PCDH15: variants seen among roughly 807,000 people sequenced by gnomAD.
PCDH15 encodes the protein protocadherin-15.
PCDH15 carries 129 observed loss-of-function variants against 178.5 expected under a neutral mutation model. The ratio of observed to expected loss-of-function variants is 0.72; its 90% CI spans 0.63 to 0.84. The LOEUF (loss-of-function observed/expected upper bound fraction) is 0.84, where lower values mean the gene tolerates loss of function less well. Among genes scored for constraint, PCDH15 ranks in the 40% least tolerant of loss-of-function variants. The pLI, the probability that PCDH15 is intolerant of heterozygous loss-of-function variation, is 0.00. For missense variants in PCDH15, 2,230 were observed against 2,099.9 expected, an observed-to-expected ratio of 1.06 and a Z score of -1.21; for synonymous variants, 800 against 732.0, an observed-to-expected ratio of 1.09 and a Z score of -1.50.
At chr10:55,128,628 C>A (rs774904073) in intron 2 of PCDH15, among the ~76,000 whole-genome samples, 20 of 152,026 alleles carry the variant, frequency 1.3e-4, no homozygotes, top group Non-Finnish European at 2.2e-4. Context: ...GGCAAATCTC[C>A]TGACTGTCAT....
intron 2 of PCDH15, among the ~76,000 whole-genome samples, chr10:54,642,970 T>A (rs1354232286): frequency 6.6e-6 from 1 of 152,230 alleles, no homozygotes. Flanking sequence ...TGTCCCAGGC[T>A]GGAGTGCAAT....
At chr10:54,807,370 G>A (rs1803133299) in intron 3 of PCDH15, among the ~76,000 whole-genome samples, 1 of 151,988 alleles carries the variant, frequency 6.6e-6, no homozygotes, top group Non-Finnish European at 1.5e-5. Context: ...ATTTGGAACT[G>A]GAATAGTTGT....
chr10:54,036,581 GA>G (rs372567913), intron 18 of PCDH15, among the ~76,000 whole-genome samples: 5 of 146,264 alleles, frequency 3.4e-5, no homozygotes, highest in South Asian at 4.3e-4. Flanking sequence ...TACTGCTCAG[GA>G]AAAAAAAAAG....
chr10:54,189,396 T>C, intron 11 of PCDH15: 2 of 1,514,396 alleles, frequency 1.3e-6, no homozygotes, highest in Non-Finnish European at 8.9e-7. Flanking sequence ...TATACGCAAA[T>C]TAAACATGAA....
chr10:54,196,806 C>G (rs953731015), intron 10 of PCDH15, among the ~76,000 whole-genome samples: 1 of 152,122 alleles, frequency 6.6e-6, no homozygotes, highest in Non-Finnish European at 1.5e-5. Context: ...TAGAGGGCTC[C>G]TTTTCCCCGC....
intron 2 of PCDH15, among the ~76,000 whole-genome samples, chr10:54,551,907 C>T (rs2133196360): frequency 6.6e-6 from 1 of 152,060 alleles, no homozygotes; most frequent in East Asian, 1.9e-4. Flanking sequence ...TATTTATAAA[C>T]ACATATTACA....
At chr10:54,640,162 G>A (rs527245435) in intron 2 of PCDH15, among the ~76,000 whole-genome samples, 1 of 152,078 alleles carries the variant, frequency 6.6e-6, no homozygotes, top group Non-Finnish European at 1.5e-5. Context: ...TATAGTTAAT[G>A]TTGCTTCCAT....
intron 2 of PCDH15, among the ~76,000 whole-genome samples, chr10:55,463,888 AGGG>A (rs1839736050): frequency 2.5e-5 from 1 of 40,094 alleles, no homozygotes; most frequent in African/African-American, 9.8e-5. Context: ...AGAGAAAGAG[AGGG>A]AGAGAGAGAG....
At chr10:54,192,383 G>A (rs1419643813) in intron 11 of PCDH15, among the ~76,000 whole-genome samples, 1 of 152,016 alleles carries the variant, frequency 6.6e-6, no homozygotes, top group Non-Finnish European at 1.5e-5. Context: ...AGACCAATAG[G>A]GTGGTGGTTA....
intron 17 of PCDH15, 120 bp downstream of exon 17, chr10:54,079,211 G>A (rs2094395664): frequency 3.1e-6 from 3 of 976,488 alleles, no homozygotes; most frequent in African/African-American, 3.2e-5. Flanking sequence ...AACACTTCTA[G>A]TAATTATAAG....
intron 2 of PCDH15, among the ~76,000 whole-genome samples, chr10:55,109,960 A>C (rs1354180470): frequency 6.6e-6 from 1 of 151,716 alleles, no homozygotes; most frequent in Non-Finnish European, 1.5e-5. Context: ...AGAGATAAAC[A>C]GTATAAACAT....
At chr10:54,593,947 G>A (rs1316256680) in intron 2 of PCDH15, among the ~76,000 whole-genome samples, 2 of 151,764 alleles carry the variant, frequency 1.3e-5, no homozygotes, top group Non-Finnish European at 2.9e-5. Context: ...GAAGACGGGT[G>A]TACCCCTAGT....
At chr10:54,415,303 A>G (rs560856963) in intron 3 of PCDH15, among the ~76,000 whole-genome samples, 2 of 152,164 alleles carry the variant, frequency 1.3e-5, no homozygotes, top group African/African-American at 4.8e-5. Context: ...TAGTATTACT[A>G]TGAAACAAAA....
chr10:55,003,420 C>A (rs1326456410), intron 2 of PCDH15, among the ~76,000 whole-genome samples: 1 of 150,004 alleles, frequency 6.7e-6, no homozygotes, highest in East Asian at 2.0e-4. Context: ...TAATGGAGGA[C>A]AGAAATAATA....
chr10:55,304,796 A>G (rs1843376656), intron 1 of PCDH15, among the ~76,000 whole-genome samples: 1 of 152,304 alleles, frequency 6.6e-6, no homozygotes, highest in South Asian at 2.1e-4. Context: ...TCTACAGGCC[A>G]GAGTACCAAC....
chr10:54,026,968 G>A (rs927622304), intron 18 of PCDH15, among the ~76,000 whole-genome samples: 1 of 148,494 alleles, frequency 6.7e-6, no homozygotes, highest in South Asian at 2.2e-4. Context: ...GGAAATAAAG[G>A]GTATTCAATT....
chr10:55,105,797 T>A (rs539181260), intron 2 of PCDH15, among the ~76,000 whole-genome samples: 43 of 152,248 alleles, frequency 2.8e-4, no homozygotes, highest in African/African-American at 1.0e-3. Context: ...GGATAATGTA[T>A]GGTAGTTAGA....
chr10:54,671,532 T>A (rs2094673255), intron 1 of PCDH15, among the ~76,000 whole-genome samples: 1 of 152,138 alleles, frequency 6.6e-6, no homozygotes, highest in South Asian at 2.1e-4. Context: ...GGTAAACTAG[T>A]TAAAACTTGT....
intron 1 of PCDH15, among the ~76,000 whole-genome samples, chr10:55,299,435 A>G (rs1353328292): frequency 3.3e-5 from 5 of 152,204 alleles, no homozygotes; most frequent in Non-Finnish European, 7.3e-5. Flanking sequence ...ATTTTCATAA[A>G]TTAGATAATC....
Sources: gnomAD v4.1 joint callset for allele counts (sites outside exome capture counted in the v4.1 genomes callset) on GRCh38, gnomAD v4.1.1 for gene constraint, MANE v1.5 for transcripts, NCBI Gene and HGNC (gene_info 2026-07-23, HGNC 2026-07-21) for gene names.